NSRP1: variants seen among roughly 807,000 people sequenced by gnomAD.
NSRP1 encodes nuclear speckle splicing regulatory protein 1, also known as coiled-coil domain containing 55.
Under a neutral mutation model 54.7 loss-of-function variants are expected in NSRP1, and 24 were observed. The observed-to-expected ratio is 0.44, with a 90% CI of 0.32 to 0.62. The LOEUF (loss-of-function observed/expected upper bound fraction) is 0.62. Ranked by LOEUF, NSRP1 falls within the 20% of genes least tolerant of loss-of-function variation. The probability of loss-of-function intolerance (pLI) is 0.06; values close to 1 mark genes in which losing one functional copy is unlikely to be tolerated. For missense variants in NSRP1, 596 were observed against 651.2 expected, an observed-to-expected ratio of 0.92 and a Z score of 0.92; for synonymous variants, 210 against 213.8, an observed-to-expected ratio of 0.98 and a Z score of 0.15.
chr17:30,169,299 A>T (rs1904842880), intron 2 of NSRP1, among the ~76,000 whole-genome samples: 2 of 152,098 alleles, frequency 1.3e-5, no homozygotes, highest in Non-Finnish European at 2.9e-5. Flanking sequence ...TGAAGCATCC[A>T]GTTTGAAAGG....
intron 2 of NSRP1, among the ~76,000 whole-genome samples, chr17:30,142,944 G>GT (rs2071819265): frequency 6.6e-6 from 1 of 152,070 alleles, no homozygotes; most frequent in East Asian, 1.9e-4. Context: ...GTTTTATTTG[G>GT]TTTGTGTACA....
chr17:30,135,506 C>T (rs965644117), intron 2 of NSRP1, among the ~76,000 whole-genome samples: 1 of 151,450 alleles, frequency 6.6e-6, no homozygotes, highest in African/African-American at 2.4e-5. Context: ...CGGAGTCTTA[C>T]TCTGTCACCC....
intron 2 of NSRP1, among the ~76,000 whole-genome samples, chr17:30,138,044 C>T (rs1401076986): frequency 6.6e-6 from 1 of 152,102 alleles, no homozygotes; most frequent in Non-Finnish European, 1.5e-5. Flanking sequence ...CCTTAGCAAC[C>T]ACCATTCTAC....
At chr17:30,169,093 T>C (rs945006193) in intron 2 of NSRP1, among the ~76,000 whole-genome samples, 3 of 152,088 alleles carry the variant, frequency 2.0e-5, no homozygotes, top group African/African-American at 4.8e-5. Flanking sequence ...GCTATGAACA[T>C]AGAAACAAAA....
chr17:30,137,658 G>A (rs2071762153), intron 2 of NSRP1, among the ~76,000 whole-genome samples: 2 of 152,162 alleles, frequency 1.3e-5, no homozygotes, highest in Admixed American at 1.3e-4. Context: ...AATAACTTTA[G>A]TTGCTAAACA....
intron 1 of NSRP1, chr17:30,117,366 G>A (rs1253390934): frequency 1.9e-6 from 1 of 518,018 alleles, no homozygotes; most frequent in Non-Finnish European, 3.4e-6. Context: ...ATACGTTGCC[G>A]CAAAAGAGAC....
intron 2 of NSRP1, among the ~76,000 whole-genome samples, chr17:30,167,103 T>C (rs1401565657): frequency 6.6e-6 from 1 of 152,226 alleles, no homozygotes; most frequent in Non-Finnish European, 1.5e-5. Context: ...TCAAAGTTTT[T>C]ATTTTAGCTC....
intron 2 of NSRP1, among the ~76,000 whole-genome samples, chr17:30,135,887 T>C (rs530747739): frequency 1.3e-5 from 2 of 152,258 alleles, no homozygotes; most frequent in Non-Finnish European, 2.9e-5. Flanking sequence ...TATTTTATTT[T>C]ATTTCATTTT....
At chr17:30,117,526 A>G in intron 1 of NSRP1, 2 of 408,938 alleles carry the variant, frequency 4.9e-6, no homozygotes, top group Non-Finnish European at 8.7e-6. Context: ...GCTCCGAGGC[A>G]AAGCACATGA....
chr17:30,181,137 G>A, intron 6 of NSRP1, 121 bp downstream of exon 6: 1 of 679,362 alleles, frequency 1.5e-6, no homozygotes, highest in East Asian at 2.8e-5. Context: ...TTGTCAGCCA[G>A]CCTTACCTAA....
intron 2 of NSRP1, among the ~76,000 whole-genome samples, chr17:30,125,507 G>A (rs981427419): frequency 2.0e-5 from 3 of 152,132 alleles, no homozygotes; most frequent in Admixed American, 2.0e-4. Flanking sequence ...TTAGTTTAGT[G>A]GGAAAGTGGT....
chr17:30,176,771 C>A (rs1002370171), intron 3 of NSRP1, among the ~76,000 whole-genome samples: 14 of 152,004 alleles, frequency 9.2e-5, no homozygotes, highest in African/African-American at 3.1e-4. Flanking sequence ...GCAGGAGAAT[C>A]TTTCACTTTC....
Position 30,186,223 on chromosome 17 carries a change from C to G in NSRP1, c.*549C>G, listed in dbSNP as rs1318259044. 6.6e-6 allele frequency: 1 copy of G among 152,182 alleles called. No individual in the cohort carries two copies. The highest frequency in any genetic ancestry group is 2.4e-5 in the African/African-American group (1 of 41,450). The allele number at this position is 152,182 out of a possible 1,614,324, so 9.4% of individuals were successfully genotyped here. A position where few individuals can be genotyped will look rare whatever the true frequency, so the allele number is the denominator to read the frequency against. On this transcript the variant is annotated 3_prime_UTR_variant, in exon 7 of 7. Coordinates refer to ENST00000247026, the MANE Select transcript of NSRP1 (RefSeq NM_032141.4). The stretch of plus-strand genomic sequence containing the variant: ...GATGTTACAGTGAGGTATGATCATG[C>G]CACTGCACTCCAACCTGGGCAACAG...
chr17:30,176,671 TG>T (rs1259801080), intron 3 of NSRP1, among the ~76,000 whole-genome samples: 1 of 140,594 alleles, frequency 7.1e-6, no homozygotes, highest in Non-Finnish European at 1.6e-5. Flanking sequence ...GTTATTGTAG[TG>T]GTGATTATTT....
intron 6 of NSRP1, among the ~76,000 whole-genome samples, chr17:30,181,886 A>G (rs1905312951): frequency 6.6e-6 from 1 of 151,796 alleles, no homozygotes; most frequent in Non-Finnish European, 1.5e-5. Flanking sequence ...CTGGGATTAT[A>G]TGCATGAGCC....
chr17:30,161,598 G>A (rs1036324232), intron 2 of NSRP1, among the ~76,000 whole-genome samples: 24 of 152,170 alleles, frequency 1.6e-4, no homozygotes, highest in African/African-American at 5.3e-4. Context: ...TTTATGATGA[G>A]ATACAGTATT....
At chr17:30,147,474 G>A (rs1226456728) in intron 2 of NSRP1, among the ~76,000 whole-genome samples, 1 of 150,580 alleles carries the variant, frequency 6.6e-6, no homozygotes, top group Non-Finnish European at 1.5e-5. Context: ...GTTTTGTTTT[G>A]TTTTGTTTGA....
At chr17:30,160,959 G>T (rs1034312938) in intron 2 of NSRP1, among the ~76,000 whole-genome samples, 1 of 152,114 alleles carries the variant, frequency 6.6e-6, no homozygotes, top group South Asian at 2.1e-4. Flanking sequence ...TTCTCATTGC[G>T]TAACCAGGAA....
At chr17:30,174,625 TA>T (rs1397016918) in intron 3 of NSRP1, among the ~76,000 whole-genome samples, 1 of 152,220 alleles carries the variant, frequency 6.6e-6, no homozygotes, top group African/African-American at 2.4e-5. Context: ...AGGTCTCTGA[TA>T]GATATTTGTT....
Sources: allele counts gnomAD v4.1 joint callset (sites outside exome capture counted in the v4.1 genomes callset), GRCh38; gene constraint gnomAD v4.1.1; transcripts MANE v1.5; gene names NCBI Gene and HGNC (gene_info 2026-07-23, HGNC 2026-07-21).